Variants in CDYL2 observed in about 807,000 individuals in gnomAD.
The protein encoded by CDYL2 is chromodomain Y-like protein 2.
In CDYL2, 23 loss-of-function variants were observed where a neutral mutation model predicts 49.4. The observed-to-expected ratio is 0.47, with a 90% confidence interval of 0.34 to 0.66. The LOEUF (loss-of-function observed/expected upper bound fraction) is 0.66. CDYL2 is among the 30% of genes least tolerant of loss of function. The probability of loss-of-function intolerance (pLI) is 0.01; values close to 1 mark genes in which losing one functional copy is unlikely to be tolerated. For missense variants in CDYL2, 678 were observed against 656.4 expected, an observed-to-expected ratio of 1.03 and a Z score of -0.36; for synonymous variants, 360 against 268.8, an observed-to-expected ratio of 1.34 and a Z score of -3.32.
intron 1 of CDYL2, among the ~76,000 whole-genome samples, chr16:80,690,541 A>G (rs1910375047): frequency 6.6e-6 from 1 of 152,158 alleles, no homozygotes; most frequent in African/African-American, 2.4e-5. Flanking sequence ...AGGCACCCAG[A>G]AGTTATGGAC....
At chr16:80,791,921 G>C (rs1348769362) in intron 1 of CDYL2, among the ~76,000 whole-genome samples, 2 of 152,172 alleles carry the variant, frequency 1.3e-5, no homozygotes, top group African/African-American at 4.8e-5. Flanking sequence ...TCAGCTGAGA[G>C]GTACTAGAAA....
intron 1 of CDYL2, among the ~76,000 whole-genome samples, chr16:80,764,619 T>C (rs1361232781): frequency 6.6e-6 from 1 of 152,138 alleles, no homozygotes; most frequent in Non-Finnish European, 1.5e-5. Flanking sequence ...CATGCTCAGG[T>C]ATGTTAATAA....
At chr16:80,670,815 AC>A (rs1281477121) in intron 2 of CDYL2, 2 of 427,972 alleles carry the variant, frequency 4.7e-6, no homozygotes. Flanking sequence ...TCCCAGGAAC[AC>A]CACACCACAG....
intron 1 of CDYL2, among the ~76,000 whole-genome samples, chr16:80,784,278 T>C (rs1255399462): frequency 1.3e-5 from 2 of 152,230 alleles, no homozygotes; most frequent in Admixed American, 1.3e-4. Flanking sequence ...TTGTTTTTAA[T>C]AGACATGTTT....
chr16:80,775,695 A>G (rs1291362831), intron 1 of CDYL2, among the ~76,000 whole-genome samples: 1 of 152,014 alleles, frequency 6.6e-6, no homozygotes, highest in East Asian at 1.9e-4. Context: ...AATATTTGCA[A>G]TAAATATTTG....
rs148929907 is a variant in CDYL2 at position 80,734,396 on chromosome 16, G to C, written c.25-49267C>G. Reference sequence around the variant, plus strand: ...ATAGGCACGAGGTTGAGATAGTTAAGACAGATCCATGAGCCATGAGGACAA... The same window carrying C: ...ATAGGCACGAGGTTGAGATAGTTAACACAGATCCATGAGCCATGAGGACAA... On this transcript the variant is annotated intron_variant, in intron 1 of 6. Transcript: ENST00000570137. Among the ~76,000 whole-genome samples, 1,096 of 152,276 alleles carry C rather than the reference G, an allele frequency of 7.2e-3. 11 individuals carry two copies. Among genetic ancestry groups the C allele is most frequent in the African/African-American group, 0.025 (1,021 of 41,546 alleles).
At chr16:80,786,668 C>T (rs921516793) in intron 1 of CDYL2, among the ~76,000 whole-genome samples, 6 of 151,978 alleles carry the variant, frequency 3.9e-5, no homozygotes, top group African/African-American at 1.4e-4. Context: ...TTGGAACCAA[C>T]CCAAATGTCC....
Position 80,612,605 on chromosome 16 carries a change from C to G in CDYL2, c.1218+21G>C. 1 of 1,580,958 alleles carries G rather than the reference C, an allele frequency of 6.3e-7. No homozygotes were observed. The highest frequency in any genetic ancestry group is 1.2e-5 in the South Asian group (1 of 86,274). On this transcript the variant is annotated intron_variant, in intron 5 of 6. Coordinates refer to ENST00000570137, the MANE Select transcript of CDYL2 (RefSeq NM_152342.4). The surrounding 1 kb of genome is among the most constrained non-coding windows in gnomAD (Gnocchi z 5.0). Reference sequence around the variant, plus strand: ...GAAGGATCCTGCTGGGACCCGAATCCAGGTATCACAGGAGGCTTACCAGCG... The same window carrying G: ...GAAGGATCCTGCTGGGACCCGAATCGAGGTATCACAGGAGGCTTACCAGCG...
At chr16:80,636,404 T>C (rs183229050) in intron 2 of CDYL2, among the ~76,000 whole-genome samples, 1 of 152,204 alleles carries the variant, frequency 6.6e-6, no homozygotes, top group Non-Finnish European at 1.5e-5. Context: ...GCAAAGGATA[T>C]GAACAGACAT....
intron 2 of CDYL2, among the ~76,000 whole-genome samples, chr16:80,674,733 C>T (rs1210113061): frequency 6.6e-6 from 1 of 152,216 alleles, no homozygotes; most frequent in Non-Finnish European, 1.5e-5. Flanking sequence ...GAGGTTCATC[C>T]ACGTTGCCGC....
Position 80,620,782 on chromosome 16 carries a change from G to C in CDYL2, c.988C>G (p.Arg330Gly). The C allele has an allele frequency of 6.2e-7, 1 of 1,607,122 alleles. No individual in the cohort carries two copies. The highest frequency in any genetic ancestry group is 8.5e-7 in the Non-Finnish European group (1 of 1,175,328). The change falls in exon 4 of 7, where the codon CGG becomes GGG. Residue 330 changes from arginine to glycine, a missense_variant. Physicochemically the swap from Arg to Gly is moderately radical, Grantham distance 125. Around this residue, in one of 3 missense-constraint regions of CDYL2, gnomAD observed 478 missense variants for 427.0 expected, o/e 1.12. Coordinates refer to ENST00000570137, the MANE Select transcript of CDYL2 (RefSeq NM_152342.4). The stretch of plus-strand genomic sequence containing the variant: ...GCTCACCTGATGGCTTCTGCAATCC[G>C]AGTGCTCTCCTTTCGCCGGTCGCTG... ...LSSDRRKESTRIAEAIRDFVK... is the reference protein window; with the variant it reads ...LSSDRRKESTGIAEAIRDFVK...
chr16:80,751,220 G>C (rs1440330919), intron 1 of CDYL2, among the ~76,000 whole-genome samples: 1 of 152,092 alleles, frequency 6.6e-6, no homozygotes, highest in Non-Finnish European at 1.5e-5. Flanking sequence ...CAACTTTTAG[G>C]AAACCAATGT....
At chr16:80,799,392 T>C (rs1334786420) in intron 1 of CDYL2, among the ~76,000 whole-genome samples, 1 of 152,220 alleles carries the variant, frequency 6.6e-6, no homozygotes, top group Non-Finnish European at 1.5e-5. Flanking sequence ...TTCTTAACTA[T>C]ATCTCCCACT....
At chr16:80,769,210 T>A (rs1007354610) in intron 1 of CDYL2, among the ~76,000 whole-genome samples, 2 of 152,180 alleles carry the variant, frequency 1.3e-5, no homozygotes, top group African/African-American at 4.8e-5. Flanking sequence ...AGCACCTGCA[T>A]TCTGGGATAG....
chr16:80,617,657 T>C (rs1335944357), intron 4 of CDYL2, among the ~76,000 whole-genome samples: 1 of 152,132 alleles, frequency 6.6e-6, no homozygotes, highest in Non-Finnish European at 1.5e-5. Flanking sequence ...CACAGTCTCT[T>C]TCTAACCCCG....
rs552202736 is a variant in CDYL2, at chr16:80,714,008, T to C, written c.25-28879A>G. 7.2e-5 allele frequency among the ~76,000 whole-genome samples: 11 copies of C among 152,294 alleles called. No homozygotes were observed. In the East Asian group the frequency reaches 2.1e-3, roughly 29 times the overall value. ...TCTTCCCAGCAGAGGTGCCGAACAT[T>C]GTGGAGGAAAGACAAGCCATTCCCA... On this transcript the variant is annotated intron_variant, in intron 1 of 6. Coordinates refer to ENST00000570137, the MANE Select transcript of CDYL2 (RefSeq NM_152342.4).
chr16:80,638,261 A>G (rs1401102706), intron 2 of CDYL2, among the ~76,000 whole-genome samples: 1 of 152,136 alleles, frequency 6.6e-6, no homozygotes, highest in African/African-American at 2.4e-5. Context: ...TTTCGCAGAG[A>G]ACAGGGTCTC....
At chr16:80,782,032 T>A (rs966518604) in intron 1 of CDYL2, among the ~76,000 whole-genome samples, 2 of 150,812 alleles carry the variant, frequency 1.3e-5, no homozygotes, top group African/African-American at 4.9e-5. Context: ...TAGAAAGAAG[T>A]AAATAATAAA....
chr16:80,642,967 A>G (rs1908168165), intron 2 of CDYL2, among the ~76,000 whole-genome samples: 2 of 152,152 alleles, frequency 1.3e-5, no homozygotes, highest in African/African-American at 4.8e-5. Flanking sequence ...GCTTCTGAAC[A>G]GGCCCCCAAA....
Sources: gnomAD v4.1 joint callset for allele counts (sites outside exome capture counted in the v4.1 genomes callset) on GRCh38, gnomAD v4.1.1 for gene constraint, gnomAD v4.1.1 regional missense constraint, Gnocchi (gnomAD v3.1) non-coding constraint, MANE v1.5 for transcripts, NCBI Gene and HGNC (gene_info 2026-07-23, HGNC 2026-07-21) for gene names.